TNFRSF10D: variants seen among roughly 807,000 people sequenced by gnomAD.
The protein encoded by TNFRSF10D is TNF receptor superfamily member 10d.
In TNFRSF10D, 28 loss-of-function variants were observed where a neutral mutation model predicts 42.1. That is an observed-to-expected ratio of 0.66 (90% CI 0.49 to 0.91). The LOEUF is 0.91. TNFRSF10D is among the 40% of genes least tolerant of loss of function. The pLI is 0.00. For missense variants in TNFRSF10D, 503 were observed against 486.1 expected (o/e 1.03, Z -0.33); for synonymous variants, 186 against 189.4 (o/e 0.98, Z 0.15).
intron 1 of TNFRSF10D, 61 bp from the exon 2 acceptor site, chr8:23,155,040 C>T (rs531016616): frequency 1.9e-5 from 25 of 1,297,076 alleles, no homozygotes; most frequent in East Asian, 7.7e-5. Flanking sequence ...TCCCAGGCTC[C>T]GTCTCACATT....
Position 23,137,707 on chromosome 8 carries a change from C to T in TNFRSF10D, c.*163G>A, listed in dbSNP as rs915622631. The stretch of plus-strand genomic sequence containing the variant: ...ACGCAGTATTTCATAAAAATTACTC[C>T]AAGTGCGTTAACAAAGTTCTAGGAC... On this transcript the variant is annotated 3_prime_UTR_variant, in exon 9 of 9. Coordinates refer to ENST00000312584, the MANE Select transcript of TNFRSF10D (RefSeq NM_003840.5). The T allele has an allele frequency of 7.3e-5, 61 of 838,814 alleles. 1 individual carries two copies. The South Asian group carries it at 1.3e-3, about 18-fold the overall frequency. The allele number at this position is 838,814 out of a possible 1,614,324, so 52.0% of individuals were successfully genotyped here.
At chr8:23,143,068 A>C (rs778300040) in intron 7 of TNFRSF10D, among the ~76,000 whole-genome samples, 2 of 151,304 alleles carry the variant, frequency 1.3e-5, no homozygotes, top group Admixed American at 6.6e-5. Flanking sequence ...GCTCCGCCTC[A>C]CGGGTTCACG....
intron 1 of TNFRSF10D, among the ~76,000 whole-genome samples, chr8:23,159,137 G>C (rs561445628): frequency 3.3e-5 from 5 of 150,904 alleles, no homozygotes; most frequent in Non-Finnish European, 7.4e-5. Context: ...GTTTTATTTT[G>C]GTTTTTGGTT....
intron 2 of TNFRSF10D, among the ~76,000 whole-genome samples, chr8:23,149,547 T>C (rs892816523): frequency 1.5e-5 from 2 of 136,930 alleles, no homozygotes; most frequent in African/African-American, 2.8e-5. Flanking sequence ...CCCAGTCTAC[T>C]TTTTTTTTTT....
intron 2 of TNFRSF10D, among the ~76,000 whole-genome samples, chr8:23,151,026 A>T (rs115442846): frequency 5.6e-3 from 853 of 152,084 alleles, no homozygotes; most frequent in African/African-American, 0.018. Flanking sequence ...ATGTCCCAAA[A>T]CAGGATGGGA....
In TNFRSF10D at chr8:23,145,049, C is replaced by A; in HGVS notation, c.768+9G>T. On this transcript the variant is annotated intron_variant, in intron 6 of 8. Coordinates refer to ENST00000312584, the MANE Select transcript of TNFRSF10D (RefSeq NM_003840.5). ...ACGAAGCCCCCAGTTTCTGGAGAAACCAACTCACTCTGTGCACACGTTCGG... is the reference window on the plus strand; with the variant it reads ...ACGAAGCCCCCAGTTTCTGGAGAAAACAACTCACTCTGTGCACACGTTCGG... 6.2e-7 allele frequency: 1 copy of A among 1,614,146 alleles called. No individual in the cohort carries two copies. The highest frequency in any genetic ancestry group is 1.3e-5 in the African/African-American group (1 of 75,050).
intron 7 of TNFRSF10D, among the ~76,000 whole-genome samples, chr8:23,144,101 A>T (rs1015894844): frequency 6.6e-6 from 1 of 152,244 alleles, no homozygotes; most frequent in African/African-American, 2.4e-5. Context: ...AGAACATTTA[A>T]AACTTCCGCT....
chr8:23,137,997 G>T lies in TNFRSF10D; in HGVS notation c.1034C>A (p.Thr345Asn), dbSNP rs774655247. 1.9e-6 allele frequency: 3 copies of T among 1,614,124 alleles called. No homozygotes were observed. The highest frequency in any genetic ancestry group is 2.2e-5 in the East Asian group (1 of 44,888). The change falls in exon 9 of 9, where the codon ACC becomes AAC. Residue 345 changes from threonine (T) to asparagine (N), a missense_variant. By Grantham distance (65) the Thr-to-Asn change is moderately conservative. Coordinates refer to ENST00000312584, the MANE Select transcript of TNFRSF10D (RefSeq NM_003840.5). ...CAGTGTTGCCGAGGCATCCAGCAAG[G>T]TGCTGACTGAGAAGAGAGAAGAGAT... ...VNDADSADISTLLDASATLEE... is the reference protein window; with the variant it reads ...VNDADSADISNLLDASATLEE...
intron 7 of TNFRSF10D, among the ~76,000 whole-genome samples, chr8:23,140,841 T>TG (rs550688936): frequency 6.1e-3 from 929 of 152,260 alleles, no homozygotes; most frequent in African/African-American, 0.019. Context: ...CATGTGGAAC[T>TG]GTGAGTCCAT....
intron 3 of TNFRSF10D, 107 bp downstream of exon 3, chr8:23,148,331 G>T (rs1045902324): frequency 1.6e-6 from 1 of 643,740 alleles, no homozygotes; most frequent in Non-Finnish European, 2.7e-6. Flanking sequence ...GCATGATGAA[G>T]ACTACCAAGT....
At chr8:23,160,242 G>T (rs927702143) in intron 1 of TNFRSF10D, among the ~76,000 whole-genome samples, 7 of 152,184 alleles carry the variant, frequency 4.6e-5, no homozygotes, top group African/African-American at 1.2e-4. Flanking sequence ...AGAGCTCATT[G>T]TCTATTTCCT....
intron 7 of TNFRSF10D, among the ~76,000 whole-genome samples, chr8:23,143,125 C>G (rs968775526): frequency 6.6e-6 from 1 of 152,090 alleles, no homozygotes; most frequent in South Asian, 2.1e-4. Flanking sequence ...TACAGGCACC[C>G]GCTACCACGC....
In TNFRSF10D at chr8:23,137,819, T is replaced by G. The variant is rs1814361685; in HGVS notation, c.*51A>C. ...CTGTTTCTTCCAGGCTGCTTCCCTTTGTAGGAGAAAAGGTAAATGAGGGAA... is the reference window on the plus strand; with the variant it reads ...CTGTTTCTTCCAGGCTGCTTCCCTTGGTAGGAGAAAAGGTAAATGAGGGAA... On this transcript the variant is annotated 3_prime_UTR_variant, in exon 9 of 9. Coordinates refer to ENST00000312584, the MANE Select transcript of TNFRSF10D (RefSeq NM_003840.5). 3.2e-6 allele frequency: 5 copies of G among 1,579,796 alleles called. No homozygotes were observed. The highest frequency in any genetic ancestry group is 4.3e-6 in the Non-Finnish European group (5 of 1,165,730).
intron 1 of TNFRSF10D, among the ~76,000 whole-genome samples, chr8:23,155,699 C>CAA (rs909777397): frequency 1.5e-5 from 2 of 132,062 alleles, no homozygotes; most frequent in South Asian, 2.5e-4. Flanking sequence ...GACTCTGTCT[C>CAA]AAAAAAAAAA....
intron 1 of TNFRSF10D, among the ~76,000 whole-genome samples, chr8:23,163,292 G>A (rs9721208): frequency 0.22 from 33,193 of 151,802 alleles, 4,010 homozygotes; most frequent in South Asian, 0.46. Context: ...TAGTAGAGAC[G>A]GGGTTTCACC....
chr8:23,148,437 C>A lies in TNFRSF10D; in HGVS notation c.370+1G>T, dbSNP rs779460471. Reference sequence around the variant, plus strand: ...GGGCAAGGGGTCCACACATTCTGTACCTGATTTACAAACTGTACATAGCAG... The same window carrying A: ...GGGCAAGGGGTCCACACATTCTGTAACTGATTTACAAACTGTACATAGCAG... On this transcript the variant is annotated splice_donor_variant, in intron 3 of 8. Transcript: ENST00000312584. LOFTEE classifies it high-confidence loss of function. 6.2e-7 allele frequency: 1 copy of A among 1,605,884 alleles called. No homozygotes were observed. Among genetic ancestry groups the A allele is most frequent in the South Asian group, 1.1e-5 (1 of 90,846 alleles).
At chr8:23,149,218 GAA>G (rs1434258595) in intron 2 of TNFRSF10D, among the ~76,000 whole-genome samples, 4 of 145,694 alleles carry the variant, frequency 2.7e-5, no homozygotes, top group Non-Finnish European at 6.1e-5. Flanking sequence ...GAAAAGAAAA[GAA>G]AAGAAATATT....
Position 23,136,466 on chromosome 8 carries a change from G to A in TNFRSF10D, c.*1404C>T. ...GCGAGAGGGGCCCATCCATGCCTGA[G>A]TCGGCAACCATTTCACACCATTCCC... On this transcript the variant is annotated 3_prime_UTR_variant, in exon 9 of 9. Coordinates refer to ENST00000312584, the MANE Select transcript of TNFRSF10D (RefSeq NM_003840.5). 5.8e-6 allele frequency: 1 copy of A among 171,272 alleles called. No homozygotes were observed. The highest frequency in any genetic ancestry group is 1.2e-5 in the Non-Finnish European group (1 of 80,868). 10.6% of individuals were successfully genotyped at this position (171,272 alleles called of 1,614,324 possible).
rs760254749 is a variant in TNFRSF10D, at chr8:23,137,633, A to AGC, written c.*236_*237insGC. ...AACGACCCTTAATACACAATCGTAT[A>AGC]ACTATGCAGCCAAGAATCTGATATA... On this transcript the variant is annotated 3_prime_UTR_variant, in exon 9 of 9. Transcript: ENST00000312584. The AGC allele has an allele frequency of 9.1e-4, 438 of 483,036 alleles. No individual in the cohort carries two copies. The South Asian group carries it at 9.9e-3, about 11-fold the overall frequency. 29.9% of individuals were successfully genotyped at this position (483,036 alleles called of 1,614,324 possible).
Sources: allele counts gnomAD v4.1 joint callset (sites outside exome capture counted in the v4.1 genomes callset), GRCh38; gene constraint gnomAD v4.1.1; transcripts MANE v1.5; gene names NCBI Gene and HGNC (gene_info 2026-07-23, HGNC 2026-07-21).